The following MIR2052HG variants were observed in gnomAD, a reference collection of about 807,000 sequenced individuals.
The protein encoded by MIR2052HG is MIR2052 host gene.
At chr8:74,706,064 C>G (rs1411620394) in intron 4 of MIR2052HG, among the ~76,000 whole-genome samples, 1 of 152,064 alleles carries the variant, frequency 6.6e-6, no homozygotes, top group Non-Finnish European at 1.5e-5. Flanking sequence ...CATGTGTTAA[C>G]TGTTCAGCAA....
At chr8:74,728,262 C>T (rs1172735341) in intron 4 of MIR2052HG, among the ~76,000 whole-genome samples, 1 of 152,186 alleles carries the variant, frequency 6.6e-6, no homozygotes, top group African/African-American at 2.4e-5. Context: ...GGTAAGATCA[C>T]TGAGCTTAGG....
At chr8:74,756,597 T>C (rs546863775) in intron 5 of MIR2052HG, 2 of 152,354 alleles carry the variant, frequency 1.3e-5, no homozygotes, top group African/African-American at 4.8e-5. Context: ...GTAACATTTA[T>C]ATGCCCCAGG....
chr8:74,665,474 C>T (rs934395123), intron 2 of MIR2052HG, among the ~76,000 whole-genome samples: 2 of 152,126 alleles, frequency 1.3e-5, no homozygotes, highest in African/African-American at 4.8e-5. Flanking sequence ...CCGAAGGTCA[C>T]CAATGACCTC....
At chr8:74,721,928 C>G (rs1425225089) in intron 4 of MIR2052HG, among the ~76,000 whole-genome samples, 1 of 152,212 alleles carries the variant, frequency 6.6e-6, no homozygotes, top group Non-Finnish European at 1.5e-5. Flanking sequence ...CATAGTGGCT[C>G]ATGCCTCAAA....
chr8:74,624,366 C>A (rs185985729), intron 2 of MIR2052HG, among the ~76,000 whole-genome samples: 247 of 152,354 alleles, frequency 1.6e-3, no homozygotes, highest in African/African-American at 5.7e-3. Flanking sequence ...TTCTTCTGGG[C>A]AACCAGTGTG....
intron 2 of MIR2052HG, among the ~76,000 whole-genome samples, chr8:74,698,780 AG>A (rs1563534454): frequency 6.6e-6 from 1 of 152,108 alleles, no homozygotes; most frequent in Non-Finnish European, 1.5e-5. Flanking sequence ...AGTGCCTCTT[AG>A]GGGGTGGGAG....
At chr8:74,679,955 C>G (rs1809101994) in intron 2 of MIR2052HG, among the ~76,000 whole-genome samples, 2 of 152,006 alleles carry the variant, frequency 1.3e-5, no homozygotes, top group South Asian at 4.1e-4. Context: ...GTAGGTTCTA[C>G]TAGCAAGACA....
chr8:74,688,287 A>G (rs1327969851), intron 2 of MIR2052HG, among the ~76,000 whole-genome samples: 1 of 152,244 alleles, frequency 6.6e-6, no homozygotes, highest in Non-Finnish European at 1.5e-5. Context: ...ACTTTTGTAT[A>G]TATTGTACAA....
At chr8:74,693,902 C>T (rs1158616027) in intron 2 of MIR2052HG, among the ~76,000 whole-genome samples, 3 of 152,090 alleles carry the variant, frequency 2.0e-5, no homozygotes, top group Admixed American at 1.3e-4. Context: ...AGACAAAGGA[C>T]GTAATCTCTT....
chr8:74,647,725 G>T (rs1808704527), intron 2 of MIR2052HG, among the ~76,000 whole-genome samples: 1 of 152,150 alleles, frequency 6.6e-6, no homozygotes, highest in African/African-American at 2.4e-5. Flanking sequence ...TGAAGCTGTG[G>T]CAGAAGAACA....
intron 2 of MIR2052HG, among the ~76,000 whole-genome samples, chr8:74,679,521 C>CTATTATTATTATTAT (rs71565406): frequency 1.4e-5 from 2 of 142,014 alleles, no homozygotes; most frequent in Non-Finnish European, 3.0e-5. Flanking sequence ...GGCTTGTTTA[C>CTATTATTATTATTAT]TATTATTATT....
chr8:74,626,437 C>A (rs1217247632), intron 2 of MIR2052HG, among the ~76,000 whole-genome samples: 1 of 152,070 alleles, frequency 6.6e-6, no homozygotes. Flanking sequence ...ACTAGTAGTA[C>A]CTTCTCTGTG....
chr8:74,681,757 C>T (rs939688053), intron 2 of MIR2052HG, among the ~76,000 whole-genome samples: 3 of 152,052 alleles, frequency 2.0e-5, no homozygotes, highest in African/African-American at 7.2e-5. Flanking sequence ...CTTGGATTTC[C>T]TAGGCTCCAG....
rs555685587 is a variant in MIR2052HG, at chr8:74,625,383, T to C, written n.216+12443T>C. On this transcript the variant is annotated intron_variant and non_coding_transcript_variant, in intron 2 of 6. Coordinates refer to ENST00000523442, the Ensembl canonical transcript of MIR2052HG. The stretch of plus-strand genomic sequence containing the variant: ...CCAGCCGTGAATACCTTTTATGAAG[T>C]GCACAAAAATGATAGTATTTGTAGA... The C allele has an allele frequency of 9.9e-5, 15 of 152,284 alleles. No homozygotes were observed. The East Asian group carries it at 2.7e-3, about 27-fold the overall frequency. 9.4% of individuals were successfully genotyped at this position (152,284 alleles called of 1,614,324 possible).
chr8:74,688,748 G>A (rs1035814142), intron 2 of MIR2052HG, among the ~76,000 whole-genome samples: 1 of 152,116 alleles, frequency 6.6e-6, no homozygotes, highest in African/African-American at 2.4e-5. Flanking sequence ...TGAGATTTTG[G>A]TGCACCCATT....
intron 4 of MIR2052HG, among the ~76,000 whole-genome samples, chr8:74,745,787 G>A (rs991174257): frequency 2.0e-5 from 3 of 152,238 alleles, no homozygotes; most frequent in Non-Finnish European, 2.9e-5. Flanking sequence ...GCAAACATCC[G>A]TGGGTACAGA....
intron 2 of MIR2052HG, among the ~76,000 whole-genome samples, chr8:74,622,421 T>C (rs1385165319): frequency 6.6e-6 from 1 of 152,116 alleles, no homozygotes; most frequent in Non-Finnish European, 1.5e-5. Flanking sequence ...CTGGCCAACA[T>C]GGCAAAACCC....
At chr8:74,751,357 G>A (rs1481674982) in intron 4 of MIR2052HG, among the ~76,000 whole-genome samples, 1 of 152,186 alleles carries the variant, frequency 6.6e-6, no homozygotes, top group Non-Finnish European at 1.5e-5. Context: ...ACATGAGAAG[G>A]CTATGGAAAG....
At chr8:74,693,922 A>G (rs1468431419) in intron 2 of MIR2052HG, among the ~76,000 whole-genome samples, 3 of 152,038 alleles carry the variant, frequency 2.0e-5, no homozygotes, top group African/African-American at 7.2e-5. Flanking sequence ...TGGGGGCTCT[A>G]TGGCCCTGCC....
Sources: gnomAD v4.1 joint callset for allele counts (sites outside exome capture counted in the v4.1 genomes callset) on GRCh38, gnomAD v4.1.1 for gene constraint, MANE v1.5 for transcripts, NCBI Gene and HGNC (gene_info 2026-07-23, HGNC 2026-07-21) for gene names.